Variants in MYO3A observed in about 807,000 individuals in gnomAD.
MYO3A encodes myosin-IIIa.
Under a neutral mutation model 192.7 loss-of-function variants are expected in MYO3A, and 180 were observed. That is an observed-to-expected ratio of 0.93 (90% CI 0.83 to 1.06). The LOEUF is 1.06. Ranked by LOEUF, MYO3A falls within the 50% of genes least tolerant of loss-of-function variation. The pLI is 0.00. For missense variants in MYO3A, 1,896 were observed against 1,905.0 expected (o/e 1.00, Z 0.09); for synonymous variants, 628 against 645.3 (o/e 0.97, Z 0.41).
At chr10:26,020,226 C>T (rs1218118692) in intron 7 of MYO3A, among the ~76,000 whole-genome samples, 1 of 152,216 alleles carries the variant, frequency 6.6e-6, no homozygotes, top group Admixed American at 6.5e-5. Flanking sequence ...ATCCCAACTC[C>T]TTGCCTCCTC....
At chr10:26,165,981 C>A in intron 26 of MYO3A, 86 bp from the exon 27 acceptor site, 1 of 1,087,502 alleles carries the variant, frequency 9.2e-7, no homozygotes, top group Non-Finnish European at 1.4e-6. Flanking sequence ...TTCCTCAGCC[C>A]CTGCACTAAG....
At chr10:26,091,623 A>G (rs1564538887) in intron 15 of MYO3A, among the ~76,000 whole-genome samples, 2 of 152,208 alleles carry the variant, frequency 1.3e-5, no homozygotes, top group Non-Finnish European at 2.9e-5. Flanking sequence ...AGAAAGGGAA[A>G]TGTATTTATG....
chr10:26,010,016 C>T (rs1165594282), intron 6 of MYO3A, among the ~76,000 whole-genome samples: 3 of 152,154 alleles, frequency 2.0e-5, no homozygotes, highest in Non-Finnish European at 4.4e-5. Flanking sequence ...GACATATGTA[C>T]ACATGTACAT....
At chr10:26,054,067 G>C (rs1316322381) in intron 10 of MYO3A, among the ~76,000 whole-genome samples, 1 of 152,124 alleles carries the variant, frequency 6.6e-6, no homozygotes, top group Non-Finnish European at 1.5e-5. Flanking sequence ...AGTAATTGGG[G>C]ACACACTGTT....
chr10:26,124,226 G>A (rs868208758), intron 18 of MYO3A, among the ~76,000 whole-genome samples: 7 of 148,466 alleles, frequency 4.7e-5, no homozygotes, highest in East Asian at 3.9e-4. Flanking sequence ...ACATATTTAC[G>A]TATTTTGAAA....
chr10:25,986,317 A>G (rs916799068), intron 4 of MYO3A, among the ~76,000 whole-genome samples: 3 of 152,240 alleles, frequency 2.0e-5, no homozygotes, highest in Admixed American at 2.0e-4. Flanking sequence ...GCCCACTTTC[A>G]CCACTTCTAT....
chr10:26,194,920 C>A (rs894180908), intron 32 of MYO3A, among the ~76,000 whole-genome samples: 3 of 152,210 alleles, frequency 2.0e-5, no homozygotes, highest in Non-Finnish European at 4.4e-5. Flanking sequence ...CACACATACA[C>A]ATCCATACAT....
At chr10:26,084,745 C>G (rs1836197637) in intron 14 of MYO3A, among the ~76,000 whole-genome samples, 1 of 152,180 alleles carries the variant, frequency 6.6e-6, no homozygotes, top group Non-Finnish European at 1.5e-5. Flanking sequence ...TTCAAGCTGT[C>G]CTCCCATCTT....
At chr10:26,008,352 G>A (rs1418905996) in intron 6 of MYO3A, among the ~76,000 whole-genome samples, 8 of 148,388 alleles carry the variant, frequency 5.4e-5, no homozygotes, top group Admixed American at 5.3e-4. Flanking sequence ...AACACCAAAA[G>A]CAATGGCAAC....
chr10:26,064,276 T>C (rs1834679300), intron 10 of MYO3A, among the ~76,000 whole-genome samples: 2 of 151,964 alleles, frequency 1.3e-5, no homozygotes, highest in African/African-American at 4.8e-5. Context: ...CCAAAGAAAA[T>C]GGCATTCCAC....
chr10:26,201,667 T>C (rs892845210), intron 33 of MYO3A, among the ~76,000 whole-genome samples: 1 of 148,424 alleles, frequency 6.7e-6, no homozygotes, highest in Non-Finnish European at 1.5e-5. Flanking sequence ...GCCTGAGCAG[T>C]CGACTGGGCG....
chr10:25,940,266 A>G (rs1459438716), intron 2 of MYO3A, among the ~76,000 whole-genome samples: 1 of 151,036 alleles, frequency 6.6e-6, no homozygotes, highest in Non-Finnish European at 1.5e-5. Context: ...TCCTTTCTTG[A>G]ATTTTTTAAT....
Position 25,952,283 on chromosome 10 carries a change from G to A in MYO3A, c.168+5G>A, listed in dbSNP as rs1269974508. On this transcript the variant is annotated splice_donor_5th_base_variant and intron_variant, in intron 3 of 34. Transcript: ENST00000642920. Reference sequence around the variant, plus strand: ...AAAATTCTTGATCCAATTCACGTAAGTCATATTTTTTCCTTCTAATTAGCT... The same window carrying A: ...AAAATTCTTGATCCAATTCACGTAAATCATATTTTTTCCTTCTAATTAGCT... The A allele has an allele frequency of 6.2e-7, 1 of 1,611,304 alleles. No individual in the cohort carries two copies.
At chr10:26,155,730 A>C (rs1032386593) in intron 25 of MYO3A, among the ~76,000 whole-genome samples, 2 of 152,206 alleles carry the variant, frequency 1.3e-5, no homozygotes, top group Admixed American at 6.5e-5. Flanking sequence ...TTATATGCTT[A>C]ATACCTGACG....
chr10:25,991,916 C>G (rs1166546184), intron 4 of MYO3A, among the ~76,000 whole-genome samples: 2 of 152,190 alleles, frequency 1.3e-5, no homozygotes, highest in South Asian at 2.1e-4. Flanking sequence ...GGTTGCTGTA[C>G]CCTTGTAGTA....
intron 14 of MYO3A, among the ~76,000 whole-genome samples, chr10:26,078,436 T>A (rs1835732419): frequency 1.3e-5 from 2 of 152,078 alleles, no homozygotes; most frequent in African/African-American, 4.8e-5. Flanking sequence ...ATTTTATTTA[T>A]CTTTTCAAAG....
chr10:26,065,571 C>T (rs1360777074), intron 10 of MYO3A, among the ~76,000 whole-genome samples: 4 of 111,028 alleles, frequency 3.6e-5, no homozygotes, highest in Non-Finnish European at 5.0e-5. Context: ...GGTGACAGAG[C>T]GAGACTCCAT....
At chr10:26,091,654 G>A (rs1176331372) in intron 15 of MYO3A, among the ~76,000 whole-genome samples, 1 of 152,210 alleles carries the variant, frequency 6.6e-6, no homozygotes, top group Non-Finnish European at 1.5e-5. Flanking sequence ...TCTATGTCAG[G>A]CACTGCACTA....
chr10:25,962,051 G>T (rs568758180), intron 4 of MYO3A, among the ~76,000 whole-genome samples: 1 of 152,146 alleles, frequency 6.6e-6, no homozygotes, highest in East Asian at 1.9e-4. Context: ...GGTGTGTGTG[G>T]ATGGCCATAC....
Sources: gnomAD v4.1 joint callset for allele counts (sites outside exome capture counted in the v4.1 genomes callset) on GRCh38, gnomAD v4.1.1 for gene constraint, MANE v1.5 for transcripts, NCBI Gene and HGNC (gene_info 2026-07-23, HGNC 2026-07-21) for gene names.